Variants in ATP6V1A observed in about 807,000 individuals in gnomAD.
The protein encoded by ATP6V1A is V-type proton ATPase catalytic subunit A.
Under a neutral mutation model 70.1 loss-of-function variants are expected in ATP6V1A, and 18 were observed. That is an observed-to-expected ratio of 0.26 (90% CI 0.18 to 0.38). The LOEUF (loss-of-function observed/expected upper bound fraction) is 0.38. ATP6V1A is among the 10% of genes least tolerant of loss of function. The pLI, the probability that ATP6V1A is intolerant of heterozygous loss-of-function variation, is 1.00. For missense variants in ATP6V1A, 424 were observed against 772.4 expected (o/e 0.55, Z 5.35); for synonymous variants, 232 against 253.8 (o/e 0.91, Z 0.82).
intron 12 of ATP6V1A, among the ~76,000 whole-genome samples, chr3:113,798,750 A>T (rs1709179605): frequency 6.6e-6 from 1 of 152,214 alleles, no homozygotes; most frequent in Non-Finnish European, 1.5e-5. Flanking sequence ...GCTAGGTTTC[A>T]GAAGGATTGG....
At chr3:113,803,101 C>T (rs1434516852) in intron 12 of ATP6V1A, among the ~76,000 whole-genome samples, 3 of 152,092 alleles carry the variant, frequency 2.0e-5, no homozygotes, top group African/African-American at 7.2e-5. Context: ...AAAGAGATCC[C>T]ATCACATGCC....
At chr3:113,752,169 GAAAAT>G (rs1708594505) in intron 1 of ATP6V1A, among the ~76,000 whole-genome samples, 1 of 151,768 alleles carries the variant, frequency 6.6e-6, no homozygotes, top group South Asian at 2.1e-4. Context: ...TTATTTCACT[GAAAAT>G]AAAATGGGTG....
intron 3 of ATP6V1A, among the ~76,000 whole-genome samples, 158 bp downstream of exon 3, chr3:113,781,336 G>A (rs1041676815): frequency 2.0e-5 from 3 of 152,134 alleles, no homozygotes; most frequent in Non-Finnish European, 4.4e-5. Context: ...GGCCAACATG[G>A]TGAAACTCCA....
intron 1 of ATP6V1A, among the ~76,000 whole-genome samples, chr3:113,764,054 A>G (rs1030946967): frequency 2.6e-5 from 4 of 152,114 alleles, no homozygotes; most frequent in Non-Finnish European, 4.4e-5. Context: ...AGCCTGGGTA[A>G]CAGAATGAGA....
chr3:113,794,880 C>A lies in ATP6V1A; in HGVS notation c.997C>A (p.Leu333Met), dbSNP rs1709136920. 1 of 1,609,310 alleles carries A rather than the reference C, an allele frequency of 6.2e-7. No individual in the cohort carries two copies. Among genetic ancestry groups the A allele is most frequent in the African/African-American group, 1.3e-5 (1 of 74,614 alleles). The change falls in exon 9 of 15, where the codon CTG (leucine) becomes ATG (methionine). Residue 333 changes from leucine to methionine, a missense_variant. Transcript: ENST00000273398. ...TATTCTTCCCAATTTAGGAATCACA[C>A]TGTCAGAGTACTTCCGTGACATGGG... ...REASIYTGIT[L>M]SEYFRDMGYH...
At position 113,795,952 on chromosome 3, in the gene ATP6V1A, C is replaced by T. The variant is rs1432805862; in HGVS notation, c.1290+13C>T. 1 of 1,597,516 alleles carries T rather than the reference C, an allele frequency of 6.3e-7. No homozygotes were observed. Among genetic ancestry groups the T allele is most frequent in the Non-Finnish European group, 8.5e-7 (1 of 1,172,480 alleles). ...TGGTATCGTTCAGGTATGTCTTTCC[C>T]TAGTATAGTCAACTTCTGAGCCTTT... On this transcript the variant is annotated intron_variant, in intron 11 of 14. Transcript: ENST00000273398.
chr3:113,758,218 A>C (rs1412986786), intron 1 of ATP6V1A, among the ~76,000 whole-genome samples: 1 of 152,232 alleles, frequency 6.6e-6, no homozygotes, highest in African/African-American at 2.4e-5. Context: ...CTGTGGAAGC[A>C]TGCCTTTATA....
chr3:113,787,262 T>G (rs1168042264), intron 6 of ATP6V1A, among the ~76,000 whole-genome samples: 2 of 152,230 alleles, frequency 1.3e-5, no homozygotes, highest in Non-Finnish European at 2.9e-5. Flanking sequence ...ATCTCTGTAG[T>G]CATCACGGGA....
chr3:113,773,920 G>A (rs1050708277), intron 1 of ATP6V1A, among the ~76,000 whole-genome samples: 1 of 152,158 alleles, frequency 6.6e-6, no homozygotes, highest in Non-Finnish European at 1.5e-5. Flanking sequence ...CACTATGCCA[G>A]AAGATCCTTG....
intron 1 of ATP6V1A, among the ~76,000 whole-genome samples, chr3:113,751,994 A>T (rs1708592264): frequency 6.6e-6 from 1 of 151,864 alleles, no homozygotes; most frequent in Non-Finnish European, 1.5e-5. Context: ...TTATATCTTA[A>T]GGTTTTAAAA....
At chr3:113,808,499 G>A (rs1182989575) in intron 14 of ATP6V1A, among the ~76,000 whole-genome samples, 1 of 151,750 alleles carries the variant, frequency 6.6e-6, no homozygotes, top group African/African-American at 2.4e-5. Flanking sequence ...TCACCATGTT[G>A]GCCAGGATGG....
rs772679758 is a variant in ATP6V1A, at chr3:113,784,853, T to C, written c.564+20T>C. The C allele has an allele frequency of 3.7e-6, 6 of 1,611,590 alleles. No individual in the cohort carries two copies. The highest frequency in any genetic ancestry group is 4.2e-6 in the Non-Finnish European group (5 of 1,178,152). On this transcript the variant is annotated intron_variant, in intron 5 of 14. Coordinates refer to ENST00000273398, the MANE Select transcript of ATP6V1A (RefSeq NM_001690.4). ...ACCTCTGTAAGTATCATTTGAACTTTATCCTGCAGAGTGCCTCTATTTCTA... is the reference window on the plus strand; with the variant it reads ...ACCTCTGTAAGTATCATTTGAACTTCATCCTGCAGAGTGCCTCTATTTCTA...
In ATP6V1A at chr3:113,794,712, A is replaced by T. The variant is rs565961963; in HGVS notation, c.989-160A>T. Among the ~76,000 whole-genome samples, 10 of 152,332 alleles carry T rather than the reference A, an allele frequency of 6.6e-5. No homozygotes were observed. The South Asian group carries it at 1.4e-3, about 22-fold the overall frequency. On this transcript the variant is annotated intron_variant, in intron 8 of 14. Transcript: ENST00000273398. ...CTAAGTGCACAGGATGCTAGGAAACAATTCAGTGTGTGCCCAGAAAAAGAG... is the reference window on the plus strand; with the variant it reads ...CTAAGTGCACAGGATGCTAGGAAACTATTCAGTGTGTGCCCAGAAAAAGAG...
At chr3:113,782,433 G>T (rs1708985600) in intron 3 of ATP6V1A, among the ~76,000 whole-genome samples, 1 of 151,202 alleles carries the variant, frequency 6.6e-6, no homozygotes, top group South Asian at 2.1e-4. Flanking sequence ...TGCACACATG[G>T]AACCACATTT....
chr3:113,751,173 A>C (rs1708581569), intron 1 of ATP6V1A, among the ~76,000 whole-genome samples: 1 of 152,140 alleles, frequency 6.6e-6, no homozygotes, highest in Non-Finnish European at 1.5e-5. Context: ...ATAAGCTTAA[A>C]AATTTTGTCT....
chr3:113,803,057 A>G (rs1044811282), intron 12 of ATP6V1A, among the ~76,000 whole-genome samples: 1 of 152,202 alleles, frequency 6.6e-6, no homozygotes, highest in African/African-American at 2.4e-5. Context: ...TGTGGTATAT[A>G]TATATATACA....
Position 113,789,771 on chromosome 3 carries a change from A to G in ATP6V1A, c.919A>G (p.Lys307Glu), listed in dbSNP as rs1709072598. 3 of 1,613,250 alleles carry G rather than the reference A, an allele frequency of 1.9e-6. No homozygotes were observed. The East Asian group carries it at 6.7e-5, about 36-fold the overall frequency. Residue 307 changes from lysine (K) to glutamate (E), a missense_variant, in exon 8 of 15, where the codon AAG (lysine) becomes GAG (glutamate). Physicochemically the swap from Lys to Glu is moderately conservative, Grantham distance 56. Transcript: ENST00000273398. ...TGATGGTAAGGTAGAGTCAATTATG[A>G]AGAGGACAGCTTTGGTAGCCAATAC... is the stretch of plus-strand genomic sequence containing the variant. ...EVDGKVESIM[K>E]RTALVANTSN...
intron 14 of ATP6V1A, among the ~76,000 whole-genome samples, chr3:113,807,280 A>G (rs1709286133): frequency 6.6e-6 from 1 of 151,626 alleles, no homozygotes; most frequent in Non-Finnish European, 1.5e-5. Flanking sequence ...CCCAGGTTCA[A>G]GCAGTTCTTC....
chr3:113,762,959 C>T lies in ATP6V1A; in HGVS notation c.-13-15782C>T, dbSNP rs141426615. On this transcript the variant is annotated intron_variant, in intron 1 of 14. Coordinates refer to ENST00000273398, the MANE Select transcript of ATP6V1A (RefSeq NM_001690.4). ...CAAAAGGCTTGAACATCTTTAAGGG[C>T]GTGGTTGCATATTACCAATTTTTTC... Among the ~76,000 whole-genome samples, 429 of 152,152 alleles carry T rather than the reference C, an allele frequency of 2.8e-3. 1 individual carries two copies. The highest frequency in any genetic ancestry group is 9.7e-3 in the African/African-American group (404 of 41,508).
Sources: gnomAD v4.1 joint callset for allele counts (sites outside exome capture counted in the v4.1 genomes callset) on GRCh38, gnomAD v4.1.1 for gene constraint, MANE v1.5 for transcripts, NCBI Gene and HGNC (gene_info 2026-07-23, HGNC 2026-07-21) for gene names.